The following ANO4 variants were observed in gnomAD, a reference collection of about 807,000 sequenced individuals.
ANO4 encodes anoctamin 4.
ANO4 carries 69 observed loss-of-function variants against 141.9 expected under a neutral mutation model. That is an observed-to-expected ratio of 0.49 (90% CI 0.40 to 0.59). The LOEUF is 0.59. Ranked by LOEUF, ANO4 falls within the 20% of genes least tolerant of loss-of-function variation. The pLI, the probability that ANO4 is intolerant of heterozygous loss-of-function variation, is 0.00. For synonymous variants in ANO4, 350 were observed against 394.3 expected (o/e 0.89, Z 1.33); for missense variants, 894 against 1,162.2 (o/e 0.77, Z 3.36).
At chr12:101,013,752 G>T (rs971927229) in intron 8 of ANO4, among the ~76,000 whole-genome samples, 7 of 152,128 alleles carry the variant, frequency 4.6e-5, no homozygotes, top group Non-Finnish European at 1.0e-4. Context: ...GTACCATATT[G>T]GATAGCACAG....
chr12:100,840,611 A>ATT (rs1220198603), intron 1 of ANO4, among the ~76,000 whole-genome samples: 1 of 152,156 alleles, frequency 6.6e-6, no homozygotes, highest in Non-Finnish European at 1.5e-5. Flanking sequence ...AGAGGTTGGA[A>ATT]TTAGGAACAA....
intron 1 of ANO4, among the ~76,000 whole-genome samples, chr12:100,722,847 A>C (rs1227520893): frequency 6.6e-6 from 1 of 152,238 alleles, no homozygotes; most frequent in East Asian, 1.9e-4. Flanking sequence ...AAGCATAATA[A>C]CTTTTACCCT....
chr12:100,901,660 A>G lies in ANO4; in HGVS notation c.-126A>G, dbSNP rs957467218. The G allele has an allele frequency of 1.2e-6, 1 of 844,282 alleles. No individual in the cohort carries two copies. Among genetic ancestry groups the G allele is most frequent in the Non-Finnish European group, 2.1e-6 (1 of 477,924 alleles). The allele number at this position is 844,282 out of a possible 1,614,324, so 52.3% of individuals were successfully genotyped here. A position where few individuals can be genotyped will look rare whatever the true frequency, so the allele number is the denominator to read the frequency against. ...TCTCATTCCAGGTTTAAGTTTATCT[A>G]TTCATGGGGCTGAAAAGCGTTTGCA... On this transcript the variant is annotated 5_prime_UTR_variant, in exon 2 of 28. Transcript: ENST00000392977.
intron 1 of ANO4, among the ~76,000 whole-genome samples, chr12:100,727,492 C>T (rs2031182624): frequency 6.6e-6 from 1 of 152,062 alleles, no homozygotes; most frequent in South Asian, 2.1e-4. Flanking sequence ...GGTACCCTGG[C>T]TTTATTTTGG....
chr12:100,840,200 A>G (rs933732290), intron 1 of ANO4, among the ~76,000 whole-genome samples: 1 of 152,110 alleles, frequency 6.6e-6, no homozygotes, highest in Admixed American at 6.6e-5. Flanking sequence ...TTCCTTCTCA[A>G]GGAGGAATGA....
At chr12:100,784,531 T>C (rs2033805609) in intron 3 of ANO4, among the ~76,000 whole-genome samples, 1 of 152,214 alleles carries the variant, frequency 6.6e-6, no homozygotes, top group African/African-American at 2.4e-5. Context: ...AATTTACAGA[T>C]GTAGTTAAAT....
At chr12:100,989,785 GGATGGATGGATGGATA>G (rs1203645535) in intron 8 of ANO4, among the ~76,000 whole-genome samples, 1 of 150,096 alleles carries the variant, frequency 6.7e-6, no homozygotes, top group Non-Finnish European at 1.5e-5. Flanking sequence ...ATGGATGGAT[GGATGGATGGATGGATA>G]GATGGATGGA....
At chr12:100,964,512 T>G (rs777389338) in intron 5 of ANO4, among the ~76,000 whole-genome samples, 2 of 152,160 alleles carry the variant, frequency 1.3e-5, no homozygotes, top group Non-Finnish European at 2.9e-5. Context: ...AATTAGAAAT[T>G]AATATCTCCT....
chr12:100,869,637 T>C (rs1166827053), intron 1 of ANO4, among the ~76,000 whole-genome samples: 1 of 152,220 alleles, frequency 6.6e-6, no homozygotes, highest in Non-Finnish European at 1.5e-5. Context: ...CTCAGCCATA[T>C]CTGCCGTGGG....
chr12:100,991,556 A>G (rs558084832), intron 8 of ANO4, among the ~76,000 whole-genome samples: 20 of 150,672 alleles, frequency 1.3e-4, no homozygotes, highest in African/African-American at 4.8e-4. Flanking sequence ...TGAAAGTTTA[A>G]TAAGTGTTTC....
At chr12:100,793,385 T>C (rs1439732965), upstream of ANO4, among the ~76,000 whole-genome samples, 1 of 152,236 alleles carries the variant, frequency 6.6e-6, no homozygotes, top group African/African-American at 2.4e-5. Context: ...CTGCTGTGAC[T>C]CATTTTGGTG....
chr12:100,906,020 T>C (rs1439386305), intron 2 of ANO4, among the ~76,000 whole-genome samples: 1 of 152,026 alleles, frequency 6.6e-6, no homozygotes, highest in Non-Finnish European at 1.5e-5. Context: ...AAGAAAGATA[T>C]GGAGAGGGGA....
chr12:101,046,590 GT>G, intron 13 of ANO4, among the ~76,000 whole-genome samples: 1 of 152,158 alleles, frequency 6.6e-6, no homozygotes, highest in East Asian at 1.9e-4. Context: ...TGTTTTGTTA[GT>G]TCCTGGAATC....
At chr12:100,766,242 C>G (rs1043893772) in intron 3 of ANO4, among the ~76,000 whole-genome samples, 1 of 152,080 alleles carries the variant, frequency 6.6e-6, no homozygotes, top group Non-Finnish European at 1.5e-5. Context: ...TGTCTGTGCT[C>G]TTATTTCTTT....
At chr12:101,125,909 G>A (rs1020318093) in intron 26 of ANO4, among the ~76,000 whole-genome samples, 3 of 152,138 alleles carry the variant, frequency 2.0e-5, no homozygotes, top group Non-Finnish European at 4.4e-5. Flanking sequence ...TCATAAATGA[G>A]TTAAGGAGGA....
intron 6 of ANO4, among the ~76,000 whole-genome samples, chr12:100,973,783 A>G (rs1006855274): frequency 4.6e-5 from 7 of 152,210 alleles, no homozygotes; most frequent in East Asian, 1.9e-4. Flanking sequence ...ACAAAGGCAT[A>G]TCATGTATCC....
intron 2 of ANO4, among the ~76,000 whole-genome samples, chr12:100,916,803 A>G (rs1190239272): frequency 2.0e-5 from 3 of 152,218 alleles, no homozygotes. Context: ...TTCTATGGAC[A>G]AAGAATGGAT....
intron 1 of ANO4, among the ~76,000 whole-genome samples, chr12:100,889,010 C>G (rs1192786304): frequency 6.7e-6 from 1 of 149,952 alleles, no homozygotes; most frequent in African/African-American, 2.5e-5. Flanking sequence ...AGGTATATCT[C>G]CTAATGCTAT....
At chr12:101,114,578 C>T (rs983823428) in intron 24 of ANO4, among the ~76,000 whole-genome samples, 4 of 152,050 alleles carry the variant, frequency 2.6e-5, no homozygotes, top group East Asian at 1.9e-4. Context: ...TGGACAGTAG[C>T]GTTAGTCTTG....
Sources: gnomAD v4.1 joint callset for allele counts (sites outside exome capture counted in the v4.1 genomes callset) on GRCh38, gnomAD v4.1.1 for gene constraint, MANE v1.5 for transcripts, NCBI Gene and HGNC (gene_info 2026-07-23, HGNC 2026-07-21) for gene names.